The following ARHGEF3 variants were observed in gnomAD, a reference collection of about 807,000 sequenced individuals.
ARHGEF3 encodes 59.8 kDA protein.
Under a neutral mutation model 63.2 loss-of-function variants are expected in ARHGEF3, and 28 were observed. The observed-to-expected ratio is 0.44, with a 90% confidence interval of 0.33 to 0.61. The LOEUF (loss-of-function observed/expected upper bound fraction) is 0.61, where lower values mean the gene tolerates loss of function less well. ARHGEF3 is among the 20% of genes least tolerant of loss of function. The pLI, the probability that ARHGEF3 is intolerant of heterozygous loss-of-function variation, is 0.03. For missense variants in ARHGEF3, 533 were observed against 659.3 expected, an observed-to-expected ratio of 0.81 and a Z score of 2.10; for synonymous variants, 266 against 254.2, an observed-to-expected ratio of 1.05 and a Z score of -0.44.
chr3:56,984,147 C>T (rs1701444353), intron 2 of ARHGEF3, among the ~76,000 whole-genome samples: 1 of 152,150 alleles, frequency 6.6e-6, no homozygotes, highest in Admixed American at 6.5e-5. Flanking sequence ...CAAGAGCTTA[C>T]ACAACCACTG....
chr3:56,749,869 G>A (rs2034617712), intron 6 of ARHGEF3, among the ~76,000 whole-genome samples: 1 of 148,232 alleles, frequency 6.7e-6, no homozygotes, highest in African/African-American at 2.7e-5. Flanking sequence ...GATCAAGGCA[G>A]TCATTGAGAA....
At chr3:57,019,416 T>G in intron 2 of ARHGEF3, among the ~76,000 whole-genome samples, 1 of 151,548 alleles carries the variant, frequency 6.6e-6, no homozygotes, top group East Asian at 1.9e-4. Flanking sequence ...AGCCTCGGTG[T>G]GTTCCTAGGG....
upstream of ARHGEF3, chr3:56,801,976 C>T (rs1040079010): frequency 5.4e-5 from 69 of 1,287,268 alleles, no homozygotes; most frequent in Middle Eastern, 5.9e-4. Context: ...TGGGCGGGAC[C>T]GTGCCAGCCA....
intron 3 of ARHGEF3, among the ~76,000 whole-genome samples, chr3:56,910,455 A>C (rs1020139433): frequency 3.3e-5 from 5 of 152,246 alleles, no homozygotes; most frequent in Non-Finnish European, 7.3e-5. Context: ...TGCAGTCCCC[A>C]AAGCATGTAA....
chr3:56,927,332 A>G (rs116493574), intron 3 of ARHGEF3, among the ~76,000 whole-genome samples: 2 of 152,370 alleles, frequency 1.3e-5, no homozygotes, highest in Non-Finnish European at 2.9e-5. Flanking sequence ...CATGACGGAT[A>G]ATAAGCCCCC....
At chr3:56,973,461 T>G (rs1488534070) in intron 2 of ARHGEF3, among the ~76,000 whole-genome samples, 1 of 152,134 alleles carries the variant, frequency 6.6e-6, no homozygotes, top group African/African-American at 2.4e-5. Flanking sequence ...AAGAGCAGAT[T>G]TGGGGACAAA....
Position 56,789,674 on chromosome 3 carries a change from A to AT in ARHGEF3, c.96+12028dup, listed in dbSNP as rs1432776082. Among the ~76,000 whole-genome samples the AT allele has an allele frequency of 2.0e-5, 3 of 152,110 alleles. 1 individual carries two copies. Among genetic ancestry groups the AT allele is most frequent in the Non-Finnish European group, 2.9e-5 (2 of 68,022 alleles). Reference sequence around the variant, plus strand: ...CCAAACTCTCTGTATTGCCATGATAATTTTTTGCCATATGTACATATCACC... The same window carrying AT: ...CCAAACTCTCTGTATTGCCATGATAATTTTTTTGCCATATGTACATATCACC... On this transcript the variant is annotated intron_variant, in intron 1 of 9. Transcript: ENST00000296315.
chr3:57,048,355 TGGA>T (rs141551584), intron 1 of ARHGEF3, among the ~76,000 whole-genome samples: 10 of 152,208 alleles, frequency 6.6e-5, no homozygotes, highest in Non-Finnish European at 1.2e-4. Flanking sequence ...ACTGCTTGGG[TGGA>T]GGAGAATTAA....
intron 3 of ARHGEF3, among the ~76,000 whole-genome samples, chr3:56,926,576 G>A (rs1578861917): frequency 6.6e-6 from 1 of 152,208 alleles, no homozygotes; most frequent in Admixed American, 6.5e-5. Flanking sequence ...TCTCCTGGCT[G>A]AGTAAGAAGT....
intron 1 of ARHGEF3, chr3:57,078,414 C>T (rs1319138471): frequency 6.6e-6 from 1 of 152,252 alleles, no homozygotes; most frequent in Non-Finnish European, 1.5e-5. Flanking sequence ...AAGAACAAGG[C>T]GCTCTGTTTC....
chr3:56,762,414 G>T (rs1276062563), intron 2 of ARHGEF3, among the ~76,000 whole-genome samples: 1 of 152,126 alleles, frequency 6.6e-6, no homozygotes, highest in Non-Finnish European at 1.5e-5. Flanking sequence ...TGAGGAAATG[G>T]TGCTCAAGTT....
chr3:56,740,959 C>T (rs2033976468), intron 7 of ARHGEF3, among the ~76,000 whole-genome samples: 1 of 152,188 alleles, frequency 6.6e-6, no homozygotes, highest in African/African-American at 2.4e-5. Flanking sequence ...AACTCAAATG[C>T]CATGGCAGTT....
At chr3:56,895,776 G>T (rs923714333) in intron 3 of ARHGEF3, among the ~76,000 whole-genome samples, 1 of 152,078 alleles carries the variant, frequency 6.6e-6, no homozygotes, top group Admixed American at 6.6e-5. Context: ...CAGGTCCATC[G>T]TTCTGAGGGA....
At chr3:56,967,356 A>ATTGTAC (rs1700556773) in intron 2 of ARHGEF3, among the ~76,000 whole-genome samples, 1 of 91,648 alleles carries the variant, frequency 1.1e-5, no homozygotes, top group Non-Finnish European at 2.0e-5. Flanking sequence ...TATATTATAT[A>ATTGTAC]ATATTATATT....
chr3:57,018,534 G>A (rs1159397442), intron 2 of ARHGEF3, among the ~76,000 whole-genome samples: 1 of 152,190 alleles, frequency 6.6e-6, no homozygotes, highest in Admixed American at 6.5e-5. Flanking sequence ...CAGTGGTACA[G>A]TCAGGATTTG....
intron 4 of ARHGEF3, among the ~76,000 whole-genome samples, chr3:56,878,640 T>A (rs2040670601): frequency 6.6e-6 from 1 of 152,070 alleles, no homozygotes; most frequent in Non-Finnish European, 1.5e-5. Flanking sequence ...GATCCATAAA[T>A]CCCCTGAAAT....
chr3:56,740,890 G>A (rs1428531278), intron 7 of ARHGEF3, among the ~76,000 whole-genome samples: 3 of 152,178 alleles, frequency 2.0e-5, no homozygotes, highest in Non-Finnish European at 4.4e-5. Context: ...ATAAATATGT[G>A]TTCATTTCCT....
At chr3:57,069,323 T>A (rs1705746588) in intron 1 of ARHGEF3, among the ~76,000 whole-genome samples, 1 of 152,100 alleles carries the variant, frequency 6.6e-6, no homozygotes, top group Admixed American at 6.6e-5. Flanking sequence ...CATGCTTTTT[T>A]AAATTGCTTT....
At chr3:56,781,531 C>T (rs1404024503) in intron 1 of ARHGEF3, among the ~76,000 whole-genome samples, 3 of 152,186 alleles carry the variant, frequency 2.0e-5, no homozygotes, top group Admixed American at 6.5e-5. Flanking sequence ...CAGGTGTGAG[C>T]CACCACACCC....
Sources: gnomAD v4.1 joint callset for allele counts (sites outside exome capture counted in the v4.1 genomes callset) on GRCh38, gnomAD v4.1.1 for gene constraint, MANE v1.5 for transcripts, NCBI Gene and HGNC (gene_info 2026-07-23, HGNC 2026-07-21) for gene names.